Variants in RCSD1 observed in about 807,000 individuals in gnomAD.
RCSD1 encodes capZ-interacting protein.
In RCSD1, 26 loss-of-function variants were observed where a neutral mutation model predicts 42.5. That is an observed-to-expected ratio of 0.61 (90% CI 0.45 to 0.85). The LOEUF (loss-of-function observed/expected upper bound fraction) is 0.85, where lower values mean the gene tolerates loss of function less well. Among genes scored for constraint, RCSD1 ranks in the 40% least tolerant of loss-of-function variants. The probability of loss-of-function intolerance (pLI) is 0.00; values close to 1 mark genes in which losing one functional copy is unlikely to be tolerated. For synonymous variants in RCSD1, 220 were observed against 212.2 expected (o/e 1.04, Z -0.32); for missense variants, 571 against 528.3 (o/e 1.08, Z -0.79).
At chr1:167,634,524 T>C (rs1657783508) in intron 1 of RCSD1, among the ~76,000 whole-genome samples, 1 of 152,128 alleles carries the variant, frequency 6.6e-6, no homozygotes, top group South Asian at 2.1e-4. Context: ...CTATTGTGGA[T>C]AGGAACCCAG....
intron 1 of RCSD1, among the ~76,000 whole-genome samples, chr1:167,671,975 G>A (rs1274599752): frequency 6.6e-6 from 1 of 152,100 alleles, no homozygotes; most frequent in Non-Finnish European, 1.5e-5. Context: ...CTTCCTCCTG[G>A]AAGTCTTCCC....
intron 1 of RCSD1, among the ~76,000 whole-genome samples, chr1:167,632,787 C>G (rs1432959551): frequency 6.6e-6 from 1 of 151,994 alleles, no homozygotes; most frequent in Non-Finnish European, 1.5e-5. Flanking sequence ...CAAAAAACAA[C>G]AAAAATGAAA....
chr1:167,685,503 G>A lies in RCSD1; in HGVS notation c.191G>A (p.Gly64Asp). ...FPPKVDLGQNGEEKSPPNASH... is the reference protein window; with the variant it reads ...FPPKVDLGQNDEEKSPPNASH... ...CCCAAGGTAGACCTGGGCCAGAATG[G>A]TGAGGAGGTAAGTGCTGCTGTTGGG... is the stretch of plus-strand genomic sequence containing the variant. Residue 64 changes from glycine (G) to aspartate (D), a missense_variant, in exon 3 of 7, where the codon GGT becomes GAT. Transcript: ENST00000367854. 6.2e-7 allele frequency: 1 copy of A among 1,613,716 alleles called. No homozygotes were observed. The highest frequency in any genetic ancestry group is 8.5e-7 in the Non-Finnish European group (1 of 1,179,740).
intron 1 of RCSD1, among the ~76,000 whole-genome samples, chr1:167,645,454 C>A (rs771891065): frequency 2.0e-5 from 3 of 152,124 alleles, no homozygotes; most frequent in Admixed American, 2.0e-4. Context: ...CCAGATAAAG[C>A]AGGACACAGG....
At chr1:167,693,301 C>T (rs886678830) in intron 4 of RCSD1, among the ~76,000 whole-genome samples, 5 of 152,222 alleles carry the variant, frequency 3.3e-5, no homozygotes, top group African/African-American at 9.6e-5. Flanking sequence ...CTCTCACGCA[C>T]GTTCTCCCCA....
In RCSD1 at chr1:167,645,965, C is replaced by T. The variant is rs370320464; in HGVS notation, c.6+15536C>T. ...GAGGGCCATTAATTAATCTAGAAGC[C>T]GAAATACCAGTTGAGAGGCCAAGGC... On this transcript the variant is annotated intron_variant, in intron 1 of 6. Transcript: ENST00000367854. 5.3e-5 allele frequency among the ~76,000 whole-genome samples: 8 copies of T among 152,100 alleles called. No homozygotes were observed. In the East Asian group the frequency reaches 5.8e-4, roughly 11 times the overall value.
At chr1:167,652,273 C>T (rs1319466951) in intron 1 of RCSD1, among the ~76,000 whole-genome samples, 2 of 152,146 alleles carry the variant, frequency 1.3e-5, no homozygotes, top group Admixed American at 6.5e-5. Flanking sequence ...CTGCCAGGCT[C>T]AGCCTCCCAA....
chr1:167,671,531 T>C (rs1254045928), intron 1 of RCSD1, among the ~76,000 whole-genome samples: 1 of 152,214 alleles, frequency 6.6e-6, no homozygotes, highest in East Asian at 1.9e-4. Context: ...CCTTGGCAGA[T>C]CCAGACCCCA....
Position 167,697,293 on chromosome 1 carries a change from A to G in RCSD1, c.669A>G (p.Ala223=). Residue 223 remains alanine (A), a synonymous_variant, in exon 6 of 7, where the codon GCA becomes GCG. Transcript: ENST00000367854. ...GATCCCCTTTGTCCAGTGAGGGAGC[A>G]GCGGGAGAGGGAGTGAGAACCCTGG... The part of the protein sequence containing the change: ...APGSPLSSEG[A]AGEGVRTLGP... The G allele has an allele frequency of 6.2e-7, 1 of 1,614,142 alleles. No individual in the cohort carries two copies. The highest frequency in any genetic ancestry group is 8.5e-7 in the Non-Finnish European group (1 of 1,180,012).
intron 4 of RCSD1, among the ~76,000 whole-genome samples, chr1:167,690,830 C>T (rs1386397853): frequency 6.6e-6 from 1 of 152,178 alleles, no homozygotes; most frequent in Admixed American, 6.5e-5. Flanking sequence ...GCACACTGCA[C>T]CAGTCTGGAC....
chr1:167,632,454 G>A (rs1657726994), intron 1 of RCSD1, among the ~76,000 whole-genome samples: 1 of 152,198 alleles, frequency 6.6e-6, no homozygotes, highest in African/African-American at 2.4e-5. Flanking sequence ...CCTCAGATGA[G>A]GAAGGAATAG....
chr1:167,674,241 C>A (rs1361296699), intron 1 of RCSD1, among the ~76,000 whole-genome samples: 1 of 152,210 alleles, frequency 6.6e-6, no homozygotes, highest in Non-Finnish European at 1.5e-5. Flanking sequence ...TCCTCACAGA[C>A]CTATAAGCCC....
intron 5 of RCSD1, among the ~76,000 whole-genome samples, chr1:167,696,018 T>C (rs1659490273): frequency 6.6e-6 from 1 of 152,148 alleles, no homozygotes; most frequent in Non-Finnish European, 1.5e-5. Flanking sequence ...GTGGTGGACC[T>C]GAGTTCTAGA....
chr1:167,686,326 C>T lies in RCSD1; in HGVS notation c.198+816C>T, dbSNP rs114984703. ...CACTTCAACAACCTCTTTATTCTCC[C>T]CTTCTTTTTTGGGGACCAGCATCCT... On this transcript the variant is annotated intron_variant, in intron 3 of 6. Transcript: ENST00000367854. 8.0e-3 allele frequency among the ~76,000 whole-genome samples: 1,219 copies of T among 152,292 alleles called. 20 individuals are homozygous for T. The highest frequency in any genetic ancestry group is 0.028 in the African/African-American group (1,174 of 41,554).
At chr1:167,695,240 C>G (rs970592889) in intron 5 of RCSD1, among the ~76,000 whole-genome samples, 1 of 152,208 alleles carries the variant, frequency 6.6e-6, no homozygotes, top group Non-Finnish European at 1.5e-5. Flanking sequence ...CAGAGAGAGC[C>G]GCATCTTCTC....
At chr1:167,666,229 T>C (rs1196566049) in intron 1 of RCSD1, among the ~76,000 whole-genome samples, 1 of 152,100 alleles carries the variant, frequency 6.6e-6, no homozygotes, top group Admixed American at 6.5e-5. Flanking sequence ...GGGTTCCAGA[T>C]CTCCCATCAG....
intron 5 of RCSD1, among the ~76,000 whole-genome samples, 160 bp downstream of exon 5, chr1:167,694,462 A>G (rs1343520289): frequency 1.3e-5 from 2 of 152,144 alleles, no homozygotes; most frequent in African/African-American, 4.8e-5. Context: ...TCTCCTTTGC[A>G]AATGATCCCT....
intron 1 of RCSD1, among the ~76,000 whole-genome samples, chr1:167,634,915 C>T (rs2102192574): frequency 6.6e-6 from 1 of 150,732 alleles, no homozygotes; most frequent in South Asian, 2.1e-4. Flanking sequence ...TACATTCTCA[C>T]AGACTGTCAG....
chr1:167,653,164 A>G (rs1340719716), intron 1 of RCSD1, among the ~76,000 whole-genome samples: 3 of 152,162 alleles, frequency 2.0e-5, no homozygotes, highest in African/African-American at 4.8e-5. Context: ...GTTACTTTGC[A>G]TTTTATTAAT....
Sources: allele counts gnomAD v4.1 joint callset (sites outside exome capture counted in the v4.1 genomes callset), GRCh38; gene constraint gnomAD v4.1.1; transcripts MANE v1.5; gene names NCBI Gene and HGNC (gene_info 2026-07-23, HGNC 2026-07-21).